The following IRAG2 variants were observed in gnomAD, a reference collection of about 807,000 sequenced individuals.
IRAG2 encodes lymphoid restricted membrane protein.
In IRAG2, 45 loss-of-function variants were observed where a neutral mutation model predicts 69.9. That is an observed-to-expected ratio of 0.64 (90% CI 0.51 to 0.83). The LOEUF (loss-of-function observed/expected upper bound fraction) is 0.83, where lower values mean the gene tolerates loss of function less well. Among genes scored for constraint, IRAG2 ranks in the 40% least tolerant of loss-of-function variants. The pLI is 0.00. For missense variants in IRAG2, 520 were observed against 587.0 expected (o/e 0.89, Z 1.18); for synonymous variants, 193 against 202.4 (o/e 0.95, Z 0.40).
At chr12:25,099,724 G>A (rs1450507183) in intron 15 of IRAG2, among the ~76,000 whole-genome samples, 3 of 152,032 alleles carry the variant, frequency 2.0e-5, no homozygotes, top group Admixed American at 6.6e-5. Flanking sequence ...ATGTGTGGCC[G>A]GGCGCGGTGA....
chr12:25,017,633 G>A (rs569146527), intron 6 of IRAG2, among the ~76,000 whole-genome samples: 1 of 151,922 alleles, frequency 6.6e-6, no homozygotes, highest in South Asian at 2.1e-4. Context: ...CAAGAAAATC[G>A]CTTGAATCTG....
At chr12:25,054,299 A>G (rs1945083404) in intron 1 of IRAG2, among the ~76,000 whole-genome samples, 1 of 152,198 alleles carries the variant, frequency 6.6e-6, no homozygotes, top group Non-Finnish European at 1.5e-5. Flanking sequence ...ATGTTGAGAC[A>G]TGAATCATAA....
intron 7 of IRAG2, among the ~76,000 whole-genome samples, chr12:25,023,202 G>A (rs1178307070): frequency 6.6e-6 from 1 of 151,782 alleles, no homozygotes; most frequent in Non-Finnish European, 1.5e-5. Context: ...CATGGATGGG[G>A]AGCAGGTGTT....
intron 6 of IRAG2, among the ~76,000 whole-genome samples, chr12:25,069,838 C>A (rs1012693760): frequency 6.6e-6 from 1 of 152,164 alleles, no homozygotes; most frequent in African/African-American, 2.4e-5. Context: ...TACCCTTTGT[C>A]AAAGACCACA....
intron 15 of IRAG2, among the ~76,000 whole-genome samples, chr12:25,100,267 G>A (rs946618551): frequency 6.6e-6 from 1 of 152,070 alleles, no homozygotes; most frequent in African/African-American, 2.4e-5. Flanking sequence ...AGGATGTGGG[G>A]AGATTGCAAA....
Position 25,062,215 on chromosome 12 carries a change from G to A in IRAG2, c.-385+562G>A, listed in dbSNP as rs117726852. On this transcript the variant is annotated intron_variant, in intron 2 of 21. Coordinates refer to ENST00000556887, the MANE Select transcript of IRAG2 (RefSeq NM_001366544.2). ...CAAGGCAGCAAGGTTGGCACTGGAGGAAGATGATGGAGGAGGAAAGAAAGA... is the reference window on the plus strand; with the variant it reads ...CAAGGCAGCAAGGTTGGCACTGGAGAAAGATGATGGAGGAGGAAAGAAAGA... 2.9e-3 allele frequency among the ~76,000 whole-genome samples: 449 copies of A among 152,240 alleles called. 2 individuals are homozygous for A. The highest frequency in any genetic ancestry group is 5.4e-3 in the Non-Finnish European group (370 of 68,030).
At position 25,067,604 on chromosome 12, in the gene IRAG2, C is replaced by A. The variant is rs537066423; in HGVS notation, c.-59+1092C>A. Among the ~76,000 whole-genome samples, 3 of 152,212 alleles carry A rather than the reference C, an allele frequency of 2.0e-5. No individual in the cohort carries two copies. The East Asian group carries it at 5.8e-4, about 29-fold the overall frequency. ...ATTTGCTAGAGTAGCTCACAGAACT[C>A]GGGGAAACACTTTCCTTACATTTAT... is the stretch of plus-strand genomic sequence containing the variant. On this transcript the variant is annotated intron_variant, in intron 5 of 21. Transcript: ENST00000556887.
chr12:25,090,211 C>T lies in IRAG2; in HGVS notation c.606+14C>T, dbSNP rs1592067108. 2 of 1,611,258 alleles carry T rather than the reference C, an allele frequency of 1.2e-6. No homozygotes were observed. The highest frequency in any genetic ancestry group is 1.7e-6 in the Non-Finnish European group (2 of 1,178,312). Reference sequence around the variant, plus strand: ...AAACTATTAGAGGTGAGAATCAGAACATTTGGGATATAAACATTTGGTCTA... The same window carrying T: ...AAACTATTAGAGGTGAGAATCAGAATATTTGGGATATAAACATTTGGTCTA... On this transcript the variant is annotated intron_variant, in intron 14 of 21. Coordinates refer to ENST00000556887, the MANE Select transcript of IRAG2 (RefSeq NM_001366544.2).
intron 15 of IRAG2, 90 bp from the exon 16 acceptor site, chr12:25,101,088 G>T: frequency 8.9e-7 from 1 of 1,118,348 alleles, no homozygotes; most frequent in Non-Finnish European, 1.2e-6. Context: ...TGGGATTTAG[G>T]AATGGAGTGA....
rs1425828072 is a variant in IRAG2 at position 25,101,259 on chromosome 12, G to GA, written c.825dup (p.Leu276IlefsTer12). 6.2e-7 allele frequency: 1 copy of GA among 1,612,246 alleles called. No individual in the cohort carries two copies. The highest frequency in any genetic ancestry group is 2.2e-5 in the East Asian group (1 of 44,786). ...GAGGATGTATGCCAAAGAGCACGCT[G>GA]AATTAGAAGAACTGAAACAGGTTCT... is the stretch of plus-strand genomic sequence containing the variant. On this transcript the variant is annotated frameshift_variant, in exon 16 of 22. Transcript: ENST00000556887. LOFTEE classifies it high-confidence loss of function.
intron 15 of IRAG2, among the ~76,000 whole-genome samples, chr12:25,036,871 G>A (rs544048541): frequency 5.3e-5 from 8 of 152,134 alleles, no homozygotes; most frequent in Admixed American, 3.3e-4. Context: ...ATGTGAGAGA[G>A]AGTGAGTGTG....
chr12:25,009,015 A>T (rs1469309523), intron 2 of IRAG2, among the ~76,000 whole-genome samples: 1 of 152,360 alleles, frequency 6.6e-6, no homozygotes, highest in African/African-American at 2.4e-5. Flanking sequence ...TTTAAAAATT[A>T]TAATATGCCA....
At chr12:25,055,076 G>A (rs573390107) in intron 1 of IRAG2, among the ~76,000 whole-genome samples, 41 of 152,302 alleles carry the variant, frequency 2.7e-4, no homozygotes, top group Non-Finnish European at 2.2e-4. Flanking sequence ...AATTCACAAA[G>A]TATTTCAGAC....
At chr12:25,097,184 T>C (rs1778639708) in intron 15 of IRAG2, 140 bp downstream of exon 15, 1 of 653,254 alleles carries the variant, frequency 1.5e-6, no homozygotes, top group African/African-American at 1.9e-5. Flanking sequence ...AATACATATG[T>C]GTTTAATACA....
upstream of IRAG2, among the ~76,000 whole-genome samples, chr12:25,003,374 C>CA (rs1439330942): frequency 3.3e-5 from 5 of 152,096 alleles, no homozygotes; most frequent in South Asian, 6.2e-4. Context: ...TCTGTCCATC[C>CA]ATCCCTCTGT....
rs577242697 is a variant in IRAG2, at chr12:25,008,558, G to A, written c.689-2786G>A. Among the ~76,000 whole-genome samples, 3 of 152,244 alleles carry A rather than the reference G, an allele frequency of 2.0e-5. No homozygotes were observed. The South Asian group carries it at 6.2e-4, about 32-fold the overall frequency. ...ATTTGAGACCAGCCTAGCCAACATGGTGAAACCCCACCTCTACTAAAAATA... is the reference window on the plus strand; with the variant it reads ...ATTTGAGACCAGCCTAGCCAACATGATGAAACCCCACCTCTACTAAAAATA... On this transcript the variant is annotated intron_variant, in intron 2 of 38. Coordinates refer to the IRAG2 transcript ENST00000636465.
chr12:25,002,345 A>G (rs974742737), upstream of IRAG2, among the ~76,000 whole-genome samples: 2 of 152,258 alleles, frequency 1.3e-5, no homozygotes, highest in African/African-American at 4.8e-5. Context: ...TACTTTATAT[A>G]TAATTGTAGA....
At chr12:25,088,403 G>A (rs892437030) in intron 11 of IRAG2, among the ~76,000 whole-genome samples, 3 of 152,208 alleles carry the variant, frequency 2.0e-5, no homozygotes, top group African/African-American at 4.8e-5. Context: ...AGAACCAAGC[G>A]AATGTTGGTA....
intron 21 of IRAG2, 99 bp from the exon 22 acceptor site, chr12:25,107,718 G>A (rs1949295984): frequency 8.7e-7 from 1 of 1,155,052 alleles, no homozygotes; most frequent in Non-Finnish European, 1.3e-6. Context: ...CAGTTTTGGG[G>A]GTATGAAGGG....
Sources: gnomAD v4.1 joint callset for allele counts (sites outside exome capture counted in the v4.1 genomes callset) on GRCh38, gnomAD v4.1.1 for gene constraint, MANE v1.5 for transcripts, NCBI Gene and HGNC (gene_info 2026-07-23, HGNC 2026-07-21) for gene names.